Variants in ARHGAP26 observed in about 807,000 individuals in gnomAD.
The protein encoded by ARHGAP26 is Rho GTPase activating protein 26, also known as rho GTPase-activating protein 26.
ARHGAP26 carries 38 observed loss-of-function variants against 104.8 expected under a neutral mutation model. That is an observed-to-expected ratio of 0.36 (90% CI 0.28 to 0.48). The LOEUF (loss-of-function observed/expected upper bound fraction) is 0.48, where lower values mean the gene tolerates loss of function less well. ARHGAP26 is among the 20% of genes least tolerant of loss of function. The pLI is 0.99. For synonymous variants in ARHGAP26, 341 were observed against 340.0 expected (o/e 1.00, Z -0.03); for missense variants, 704 against 947.9 (o/e 0.74, Z 3.38).
chr5:142,870,523 C>G (rs1755129167), intron 1 of ARHGAP26, among the ~76,000 whole-genome samples: 1 of 152,216 alleles, frequency 6.6e-6, no homozygotes, highest in Non-Finnish European at 1.5e-5. Context: ...GCCTTGCACT[C>G]TTAGGTCAGT....
intron 11 of ARHGAP26, among the ~76,000 whole-genome samples, chr5:142,963,518 AT>A (rs1043648777): frequency 1.3e-5 from 2 of 151,802 alleles, no homozygotes; most frequent in South Asian, 4.2e-4. Context: ...AGCATCTCTT[AT>A]TTTTTTACTT....
chr5:142,931,634 T>C (rs978658439), intron 10 of ARHGAP26, among the ~76,000 whole-genome samples: 2 of 142,948 alleles, frequency 1.4e-5, no homozygotes, highest in African/African-American at 2.5e-5. Flanking sequence ...TATTTTCTCC[T>C]CTTTTTTTTA....
chr5:142,779,128 T>G (rs2151836193), intron 1 of ARHGAP26, among the ~76,000 whole-genome samples: 1 of 152,252 alleles, frequency 6.6e-6, no homozygotes, highest in Middle Eastern at 3.4e-3. Flanking sequence ...ACCTCCAGGC[T>G]CAGGGACTAG....
rs1381231404 is a variant in ARHGAP26 at position 142,979,976 on chromosome 5, T to C, written c.1108-34104T>C. Among the ~76,000 whole-genome samples the C allele has an allele frequency of 2.0e-5, 3 of 152,206 alleles. No homozygotes were observed. In the South Asian group the frequency reaches 6.2e-4, roughly 32 times the overall value. ...CACTTTCAAGCCAAATTTATAAATA[T>C]GTGATCACCAACCAGATCAAGATGT... is the stretch of plus-strand genomic sequence containing the variant. On this transcript the variant is annotated intron_variant, in intron 11 of 22. Transcript: ENST00000645722.
chr5:142,775,380 C>T (rs1294544963), intron 1 of ARHGAP26, among the ~76,000 whole-genome samples: 1 of 152,132 alleles, frequency 6.6e-6, no homozygotes, highest in Admixed American at 6.5e-5. Flanking sequence ...TTTCATATTG[C>T]TTTCTTGCCA....
chr5:142,813,899 A>G (rs1764611969), intron 1 of ARHGAP26, among the ~76,000 whole-genome samples: 1 of 152,212 alleles, frequency 6.6e-6, no homozygotes. Context: ...CATGTTACCT[A>G]AGCCTTGAGT....
chr5:142,825,560 C>T (rs1767073468), intron 1 of ARHGAP26, among the ~76,000 whole-genome samples: 1 of 152,160 alleles, frequency 6.6e-6, no homozygotes, highest in Non-Finnish European at 1.5e-5. Flanking sequence ...AGCACAGGCT[C>T]CTTGATTTAA....
chr5:143,183,896 A>G (rs1253216849), intron 20 of ARHGAP26, among the ~76,000 whole-genome samples: 1 of 152,168 alleles, frequency 6.6e-6, no homozygotes, highest in Non-Finnish European at 1.5e-5. Context: ...CATTTTCTTA[A>G]GTTTCAGTAG....
intron 11 of ARHGAP26, among the ~76,000 whole-genome samples, chr5:142,946,013 A>G (rs1348084172): frequency 2.0e-5 from 3 of 152,228 alleles, no homozygotes; most frequent in African/African-American, 7.2e-5. Context: ...ATAGTTGAAC[A>G]TCAGGAGAGC....
At chr5:142,793,912 G>T (rs1431781181) in intron 1 of ARHGAP26, among the ~76,000 whole-genome samples, 1 of 152,180 alleles carries the variant, frequency 6.6e-6, no homozygotes, top group East Asian at 1.9e-4. Flanking sequence ...AGTTACATTT[G>T]TAGAGGCGGT....
rs138058740 is a variant in ARHGAP26, at chr5:142,889,992, G to C, written c.487-4246G>C. ...CTCTATTAAAAATACAAAATTGGCC[G>C]GGCATGGTGGTGCATGCCTGTAATC... On this transcript the variant is annotated intron_variant, in intron 5 of 22. Transcript: ENST00000645722. Among the ~76,000 whole-genome samples the C allele has an allele frequency of 2.1e-3, 310 of 149,758 alleles. 3 individuals carry two copies. The highest frequency in any genetic ancestry group is 7.2e-3 in the African/African-American group (295 of 40,778).
intron 21 of ARHGAP26, among the ~76,000 whole-genome samples, chr5:143,212,822 C>T (rs1172880686): frequency 6.6e-6 from 1 of 152,188 alleles, no homozygotes; most frequent in Admixed American, 6.5e-5. Context: ...CCTCACTGCA[C>T]GTTGGAATTA....
At chr5:142,959,062 A>G (rs973875310) in intron 11 of ARHGAP26, among the ~76,000 whole-genome samples, 2 of 152,178 alleles carry the variant, frequency 1.3e-5, no homozygotes, top group Non-Finnish European at 2.9e-5. Context: ...CACTTCTCTC[A>G]TTTATAGAAA....
intron 12 of ARHGAP26, among the ~76,000 whole-genome samples, chr5:143,027,873 T>G (rs1781290258): frequency 6.6e-6 from 1 of 152,232 alleles, no homozygotes; most frequent in East Asian, 1.9e-4. Flanking sequence ...TTCTCGCATG[T>G]ACTGATGCAT....
At position 142,857,501 on chromosome 5, in the gene ARHGAP26, C is replaced by T. The variant is rs1321438157; in HGVS notation, c.155-15899C>T. Among the ~76,000 whole-genome samples the T allele has an allele frequency of 5.3e-5, 8 of 152,124 alleles. No homozygotes were observed. In the East Asian group the frequency reaches 1.5e-3, roughly 29 times the overall value. ...TGTGTGACTGAGAGAGGTGGCCCTG[C>T]TCATGCATGCCTCTGGCTCAGGGTC... On this transcript the variant is annotated intron_variant, in intron 1 of 22. Transcript: ENST00000645722.
At chr5:142,830,441 G>A (rs1168392505) in intron 1 of ARHGAP26, among the ~76,000 whole-genome samples, 1 of 152,118 alleles carries the variant, frequency 6.6e-6, no homozygotes, top group Non-Finnish European at 1.5e-5. Flanking sequence ...TTCCGTTTGT[G>A]TTACATTTCC....
intron 22 of ARHGAP26, among the ~76,000 whole-genome samples, chr5:143,216,992 G>A (rs1344131637): frequency 6.6e-6 from 1 of 152,134 alleles, no homozygotes; most frequent in African/African-American, 2.4e-5. Context: ...GCGGTGGGTG[G>A]GGTGGGGGGT....
At chr5:142,834,126 G>C (rs980095836) in intron 1 of ARHGAP26, among the ~76,000 whole-genome samples, 4 of 152,180 alleles carry the variant, frequency 2.6e-5, no homozygotes, top group African/African-American at 9.7e-5. Context: ...ATTTCTCAAA[G>C]AGATTTGCCA....
intron 17 of ARHGAP26, among the ~76,000 whole-genome samples, chr5:143,094,672 C>A (rs1306757145): frequency 6.6e-6 from 1 of 152,204 alleles, no homozygotes; most frequent in Non-Finnish European, 1.5e-5. Flanking sequence ...GCCTTCTTAT[C>A]CCTGACACGT....
Sources: allele counts gnomAD v4.1 joint callset (sites outside exome capture counted in the v4.1 genomes callset), GRCh38; gene constraint gnomAD v4.1.1; transcripts MANE v1.5; gene names NCBI Gene and HGNC (gene_info 2026-07-23, HGNC 2026-07-21).